The following CHAF1B variants were observed in gnomAD, a reference collection of about 807,000 sequenced individuals.
CHAF1B encodes CAF-1 subunit B.
In CHAF1B, 10 loss-of-function variants were observed where a neutral mutation model predicts 60.7. The ratio of observed to expected loss-of-function variants is 0.16; its 90% confidence interval spans 0.10 to 0.28. The LOEUF (loss-of-function observed/expected upper bound fraction) is 0.28. Among genes scored for constraint, CHAF1B ranks in the 10% least tolerant of loss-of-function variants. CHAF1B has a pLI of 1.00. For missense variants in CHAF1B, 558 were observed against 708.4 expected (o/e 0.79, Z 2.41); for synonymous variants, 261 against 266.1 (o/e 0.98, Z 0.19).
At chr21:36,410,826 A>G (rs1315658935) in intron 10 of CHAF1B, among the ~76,000 whole-genome samples, 5 of 151,512 alleles carry the variant, frequency 3.3e-5, no homozygotes. Flanking sequence ...ACACCCAGCT[A>G]CTTTTTTTAT....
In CHAF1B at chr21:36,411,130, T is replaced by G. The variant is rs923719614; in HGVS notation, c.920-333T>G. 7.5e-4 allele frequency among the ~76,000 whole-genome samples: 112 copies of G among 150,210 alleles called. 1 individual carries two copies. Among genetic ancestry groups the G allele is most frequent in the African/African-American group, 1.7e-3 (70 of 40,510 alleles). On this transcript the variant is annotated intron_variant, in intron 10 of 13. Coordinates refer to ENST00000314103, the MANE Select transcript of CHAF1B (RefSeq NM_005441.3). ...TTATAAATATTCTTTTTTTTTTTTT[T>G]TGTGACAGAGTCTTCCTCTGCCACT...
intron 4 of CHAF1B, 52 bp from the exon 5 acceptor site, chr21:36,394,495 C>G: frequency 1.1e-5 from 14 of 1,284,690 alleles, no homozygotes; most frequent in Non-Finnish European, 1.6e-5. Flanking sequence ...CAGGGGTAAG[C>G]TGCTATACCT....
chr21:36,407,070 G>T (rs1458602958), intron 8 of CHAF1B, among the ~76,000 whole-genome samples: 3 of 152,230 alleles, frequency 2.0e-5, no homozygotes, highest in African/African-American at 7.2e-5. Context: ...GGGAGGCCAA[G>T]GTGGGTGGAT....
At position 36,390,039 on chromosome 21, in the gene CHAF1B, G is replaced by A. The variant is rs114311378; in HGVS notation, c.260-1512G>A. 6.3e-3 allele frequency among the ~76,000 whole-genome samples: 962 copies of A among 152,156 alleles called. 14 individuals are homozygous for A. The highest frequency in any genetic ancestry group is 0.021 in the African/African-American group (890 of 41,510). ...TGCGAATAGGATTCCGGTTAACTTA[G>A]CATGGGAATGCAGGCTGGGTGCGGT... On this transcript the variant is annotated intron_variant, in intron 3 of 13. Transcript: ENST00000314103.
Position 36,397,399 on chromosome 21 carries a change from TG to T in CHAF1B, c.482-15del. 2 of 1,372,622 alleles carry T rather than the reference TG, an allele frequency of 1.5e-6. No homozygotes were observed. Among genetic ancestry groups the T allele is most frequent in the Non-Finnish European group, 2.0e-6 (2 of 984,660 alleles). The allele number at this position is 1,372,622 out of a possible 1,614,324, so 85.0% of individuals were successfully genotyped here. On this transcript the variant is annotated splice_polypyrimidine_tract_variant and intron_variant, in intron 5 of 13. Coordinates refer to ENST00000314103, the MANE Select transcript of CHAF1B (RefSeq NM_005441.3). Reference sequence around the variant, plus strand: ...GTAATGCTGTTTTGGTGCGTGTGTGTGTGTTTTTTTTGTAGGACAAAAGATA... The same window carrying T: ...GTAATGCTGTTTTGGTGCGTGTGTGTTGTTTTTTTTGTAGGACAAAAGATA...
At position 36,409,364 on chromosome 21, in the gene CHAF1B, A is replaced by T. The variant is rs1370944702; in HGVS notation, c.828-10A>T. On this transcript the variant is annotated splice_polypyrimidine_tract_variant and intron_variant, in intron 9 of 13. Coordinates refer to ENST00000314103, the MANE Select transcript of CHAF1B (RefSeq NM_005441.3). ...AGTGCCTTTTCCTAACACTGCAATT[A>T]ATCCATTAGGCCCATCGCTCATCTT... 6.2e-7 allele frequency: 1 copy of T among 1,606,232 alleles called. No homozygotes were observed. Among genetic ancestry groups the T allele is most frequent in the Non-Finnish European group, 8.5e-7 (1 of 1,173,696 alleles).
intron 11 of CHAF1B, 168 bp from the exon 12 acceptor site, chr21:36,412,716 G>A (rs1463135474): frequency 2.0e-5 from 13 of 649,394 alleles, no homozygotes; most frequent in East Asian, 1.1e-4. Flanking sequence ...TTAGCAAATC[G>A]CGATGAAACT....
intron 9 of CHAF1B, 92 bp from the exon 10 acceptor site, chr21:36,409,282 T>G: frequency 1.2e-5 from 11 of 920,328 alleles, no homozygotes; most frequent in Non-Finnish European, 1.7e-5. Context: ...TTTATAGGTG[T>G]GAGCCACCGC....
chr21:36,393,475 G>A (rs1351876582), intron 4 of CHAF1B, among the ~76,000 whole-genome samples: 3 of 135,570 alleles, frequency 2.2e-5, no homozygotes, highest in Non-Finnish European at 3.1e-5. Context: ...TTTTTAGATG[G>A]AGTTTTGCTC....
intron 5 of CHAF1B, among the ~76,000 whole-genome samples, chr21:36,395,419 G>A (rs961217086): frequency 6.6e-6 from 1 of 152,238 alleles, no homozygotes; most frequent in African/African-American, 2.4e-5. Context: ...GGCTCAACAG[G>A]ATAGGGGTTA....
intron 3 of CHAF1B, among the ~76,000 whole-genome samples, chr21:36,389,758 GAT>G (rs1491451815): frequency 9.7e-4 from 115 of 118,732 alleles, no homozygotes; most frequent in African/African-American, 3.3e-3. Flanking sequence ...TGCATGAAGG[GAT>G]GTGTGTGTGT....
intron 10 of CHAF1B, among the ~76,000 whole-genome samples, chr21:36,409,749 C>T (rs976991450): frequency 1.3e-5 from 2 of 151,844 alleles, no homozygotes; most frequent in Non-Finnish European, 2.9e-5. Flanking sequence ...CCACCTGCCT[C>T]GGCCTCCCAA....
At chr21:36,407,680 T>C (rs2086248446) in intron 8 of CHAF1B, among the ~76,000 whole-genome samples, 1 of 151,376 alleles carries the variant, frequency 6.6e-6, no homozygotes, top group African/African-American at 2.4e-5. Flanking sequence ...AAGAATGGAG[T>C]GGGATGAAAA....
chr21:36,396,358 C>CAAAA (rs777079304), intron 5 of CHAF1B, among the ~76,000 whole-genome samples: 3,297 of 52,262 alleles, frequency 0.063, 88 homozygotes, highest in Non-Finnish European at 0.07. Flanking sequence ...CCAAAAACCT[C>CAAAA]AAAAAAAAAA....
At position 36,418,421 on chromosome 21, in the gene CHAF1B, G is replaced by A. The variant is rs921006671; in HGVS notation, c.*2055G>A. The A allele has an allele frequency of 6.6e-6, 1 of 152,392 alleles. No homozygotes were observed. The highest frequency in any genetic ancestry group is 6.5e-5 in the Admixed American group (1 of 15,278). 9.4% of individuals were successfully genotyped at this position (152,392 alleles called of 1,614,324 possible). A position where few individuals can be genotyped will look rare whatever the true frequency, so the allele number is the denominator to read the frequency against. On this transcript the variant is annotated 3_prime_UTR_variant, in exon 14 of 14. Transcript: ENST00000314103. Reference sequence around the variant, plus strand: ...GAGGTGCCATCAGCTCTTCTGAAAAGAGACAGCTTTCAGTGTCATGTGGCT... The same window carrying A: ...GAGGTGCCATCAGCTCTTCTGAAAAAAGACAGCTTTCAGTGTCATGTGGCT...
chr21:36,411,379 G>A (rs977838043), intron 10 of CHAF1B, 84 bp from the exon 11 acceptor site: 1 of 1,545,818 alleles, frequency 6.5e-7, no homozygotes, highest in East Asian at 2.3e-5. Context: ...CTCCCAAAGT[G>A]CTGGGATTCT....
chr21:36,405,491 AT>A (rs2086230958), intron 8 of CHAF1B, among the ~76,000 whole-genome samples: 1 of 152,022 alleles, frequency 6.6e-6, no homozygotes, highest in Non-Finnish European at 1.5e-5. Context: ...CAGTGGTGTG[AT>A]CATGGCCCAC....
At chr21:36,410,908 G>A (rs146237369) in intron 10 of CHAF1B, among the ~76,000 whole-genome samples, 50 of 152,000 alleles carry the variant, frequency 3.3e-4, no homozygotes, top group African/African-American at 1.1e-3. Flanking sequence ...TGATCTGCCC[G>A]CCTCAGTTTC....
rs770525899 is a variant in CHAF1B at position 36,394,634 on chromosome 21, A to G, written c.465A>G (p.Ile155Met). ...ASASVDNTAI[I>M]WDVSKGQKIS... ...CCTCTGTGGATAACACAGCCATCAT[A>G]TGGGATGTCAGCAAAGGTAAATGAT... The change falls in exon 5 of 14, where the codon ATA (isoleucine) becomes ATG (methionine). Residue 155 changes from isoleucine (I) to methionine (M), a missense_variant. By Grantham distance (10) the Ile-to-Met change is conservative. Around this residue, in one of 2 missense-constraint regions of CHAF1B, gnomAD observed 325 missense variants for 493.5 expected, o/e 0.66. Coordinates refer to ENST00000314103, the MANE Select transcript of CHAF1B (RefSeq NM_005441.3). 17 of 1,608,252 alleles carry G rather than the reference A, an allele frequency of 1.1e-5. No homozygotes were observed. The South Asian group carries it at 1.3e-4, about 13-fold the overall frequency.
Sources: gnomAD v4.1 joint callset for allele counts (sites outside exome capture counted in the v4.1 genomes callset) on GRCh38, gnomAD v4.1.1 for gene constraint, gnomAD v4.1.1 regional missense constraint, MANE v1.5 for transcripts, NCBI Gene and HGNC (gene_info 2026-07-23, HGNC 2026-07-21) for gene names.